Variants in AMMECR1 observed in about 807,000 individuals in gnomAD.
AMMECR1 encodes nuclear protein AMMECR1.
A neutral mutation model predicts 22.5 loss-of-function variants in AMMECR1; 3 were observed. That is an observed-to-expected ratio of 0.13 (90% CI 0.06 to 0.35). AMMECR1 has a LOEUF of 0.35. Ranked by LOEUF, AMMECR1 falls within the 10% of genes least tolerant of loss-of-function variation. The probability of loss-of-function intolerance (pLI) is 1.00; values close to 1 mark genes in which losing one functional copy is unlikely to be tolerated. For missense variants in AMMECR1, 235 were observed against 278.7 expected, an observed-to-expected ratio of 0.84 and a Z score of 1.12; for synonymous variants, 130 against 116.7, an observed-to-expected ratio of 1.11 and a Z score of -0.74.
chrX:110,274,058 T>C (rs998655567), intron 1 of AMMECR1, among the ~76,000 whole-genome samples: 2 of 112,148 alleles, frequency 1.8e-5, no homozygotes, highest in African/African-American at 6.5e-5. Flanking sequence ...GTGTGGAATC[T>C]GTAGATTGCT....
At chrX:110,302,105 T>G (rs949496933) in intron 1 of AMMECR1, among the ~76,000 whole-genome samples, 3 of 111,326 alleles carry the variant, frequency 2.7e-5, no homozygotes, top group Middle Eastern at 4.7e-3. Flanking sequence ...AACAATAATA[T>G]CAAATAAATC....
intron 2 of AMMECR1, among the ~76,000 whole-genome samples, chrX:110,411,948 C>T (rs760725827): frequency 6.2e-5 from 7 of 112,452 alleles, no homozygotes; most frequent in South Asian, 3.7e-4. Flanking sequence ...AAGGAATAAA[C>T]GAGCTTCTGT....
intron 4 of AMMECR1, among the ~76,000 whole-genome samples, chrX:110,201,912 T>C (rs768696482): frequency 8.9e-6 from 1 of 112,101 alleles, no homozygotes; most frequent in Non-Finnish European, 1.9e-5. Context: ...GTCTATGCTC[T>C]ATGTGTGAAA....
chrX:110,209,216 G>A (rs2067435714), intron 3 of AMMECR1, among the ~76,000 whole-genome samples: 1 of 111,727 alleles, frequency 9.0e-6, no homozygotes, highest in Non-Finnish European at 1.9e-5. Flanking sequence ...TGTACATTGA[G>A]TATCTGACTC....
At chrX:110,433,773 C>T (rs1036164511) in intron 1 of AMMECR1, among the ~76,000 whole-genome samples, 4 of 112,055 alleles carry the variant, frequency 3.6e-5, no homozygotes, top group Non-Finnish European at 5.6e-5. Context: ...TTGTCATTAT[C>T]GGCATATTAT....
At chrX:110,385,648 T>G (rs1353207158) in intron 2 of AMMECR1, among the ~76,000 whole-genome samples, 1 of 111,867 alleles carries the variant, frequency 8.9e-6, no homozygotes, top group African/African-American at 3.2e-5. Flanking sequence ...TTCTCTCCCT[T>G]AGCATAACTG....
chrX:110,243,053 C>T (rs1569385256), intron 2 of AMMECR1, among the ~76,000 whole-genome samples: 1 of 112,384 alleles, frequency 8.9e-6, no homozygotes, highest in Non-Finnish European at 1.9e-5. Context: ...TACAAGTCAA[C>T]GTCTGTACCA....
At chrX:110,360,681 G>C (rs896693443) in intron 2 of AMMECR1, among the ~76,000 whole-genome samples, 1 of 111,631 alleles carries the variant, frequency 9.0e-6, no homozygotes, top group South Asian at 3.8e-4. Context: ...GAAGTAGAAA[G>C]ATTTTTTTGG....
intron 2 of AMMECR1, among the ~76,000 whole-genome samples, chrX:110,336,693 C>T (rs1446433398): frequency 1.8e-5 from 2 of 108,216 alleles, no homozygotes; most frequent in Admixed American, 9.9e-5. Flanking sequence ...AGCAAGACTC[C>T]GTCTCAAAAA....
intron 2 of AMMECR1, among the ~76,000 whole-genome samples, chrX:110,360,135 C>T (rs1479718050): frequency 9.0e-6 from 1 of 111,296 alleles, no homozygotes; most frequent in African/African-American, 3.3e-5. Flanking sequence ...AATCTCATAG[C>T]CTCAGACACT....
chrX:110,413,657 G>A (rs181691662), intron 2 of AMMECR1, among the ~76,000 whole-genome samples: 1 of 109,073 alleles, frequency 9.2e-6, no homozygotes, highest in East Asian at 2.9e-4. Context: ...GCCTTACCAT[G>A]CTTCATCATC....
intron 2 of AMMECR1, among the ~76,000 whole-genome samples, chrX:110,242,029 C>T (rs565573951): frequency 9.0e-6 from 1 of 111,482 alleles, no homozygotes; most frequent in African/African-American, 3.3e-5. Flanking sequence ...CCTCTGCAAG[C>T]ATGGCTCACT....
At chrX:110,288,779 C>T (rs763914879) in intron 1 of AMMECR1, among the ~76,000 whole-genome samples, 8 of 112,034 alleles carry the variant, frequency 7.1e-5, no homozygotes, top group African/African-American at 1.9e-4. Flanking sequence ...GACTAGAGTC[C>T]ACCCTGGACT....
chrX:110,429,398 T>A (rs2068778439), intron 1 of AMMECR1, among the ~76,000 whole-genome samples: 1 of 111,567 alleles, frequency 9.0e-6, no homozygotes, highest in African/African-American at 3.3e-5. Context: ...TATGCAACAT[T>A]GAAGGAGTCA....
intron 2 of AMMECR1, among the ~76,000 whole-genome samples, chrX:110,394,443 G>A (rs2068515857): frequency 8.9e-6 from 1 of 112,009 alleles, no homozygotes. Flanking sequence ...AGTAGAGACA[G>A]GGTTTCACCA....
intron 2 of AMMECR1, among the ~76,000 whole-genome samples, chrX:110,422,481 A>T (rs1030141064): frequency 5.6e-4 from 63 of 113,020 alleles, no homozygotes; most frequent in African/African-American, 1.9e-3. Context: ...TGTTCTCCCC[A>T]GTTGTGGCAA....
intron 2 of AMMECR1, among the ~76,000 whole-genome samples, chrX:110,219,164 G>A (rs1468885693): frequency 9.0e-6 from 1 of 111,444 alleles, no homozygotes; most frequent in East Asian, 2.8e-4. Flanking sequence ...AGCTAGGAGT[G>A]GAACTGCTGG....
intron 2 of AMMECR1, among the ~76,000 whole-genome samples, chrX:110,373,108 C>T (rs1474855596): frequency 9.0e-6 from 1 of 111,408 alleles, no homozygotes; most frequent in African/African-American, 3.3e-5. Context: ...TATTATAAAC[C>T]CCATTTTATA....
intron 2 of AMMECR1, among the ~76,000 whole-genome samples, chrX:110,408,848 G>A (rs2148305765): frequency 8.9e-6 from 1 of 112,554 alleles, no homozygotes; most frequent in South Asian, 3.6e-4. Flanking sequence ...ATTATGTATT[G>A]CTTTATTTTC....
Sources: gnomAD v4.1 joint callset for allele counts (sites outside exome capture counted in the v4.1 genomes callset) on GRCh38, gnomAD v4.1.1 for gene constraint, MANE v1.5 for transcripts, NCBI Gene and HGNC (gene_info 2026-07-23, HGNC 2026-07-21) for gene names.